MPPE1: variants seen among roughly 807,000 people sequenced by gnomAD.
MPPE1 encodes the protein metallo phosphoesterase.
In MPPE1, 28 loss-of-function variants were observed where a neutral mutation model predicts 43.8. That is an observed-to-expected ratio of 0.64 (90% CI 0.47 to 0.88). MPPE1 has a LOEUF of 0.88. MPPE1 is among the 40% of genes least tolerant of loss of function. The probability of loss-of-function intolerance (pLI) is 0.00; values close to 1 mark genes in which losing one functional copy is unlikely to be tolerated. For missense variants in MPPE1, 428 were observed against 492.2 expected (o/e 0.87, Z 1.23); for synonymous variants, 159 against 188.5 (o/e 0.84, Z 1.28).
chr18:11,890,771 G>T (rs1445901984), intron 4 of MPPE1, among the ~76,000 whole-genome samples: 1 of 152,136 alleles, frequency 6.6e-6, no homozygotes, highest in Admixed American at 6.5e-5. Flanking sequence ...ATAAGAACAG[G>T]CTCTGACAAA....
chr18:11,900,910 A>T (rs2039124758), intron 2 of MPPE1, among the ~76,000 whole-genome samples: 1 of 101,250 alleles, frequency 9.9e-6, no homozygotes, highest in African/African-American at 9.8e-5. Context: ...CCGTCTCATT[A>T]AAAAAAAAAA....
intron 2 of MPPE1, among the ~76,000 whole-genome samples, chr18:11,904,395 A>T (rs890319526): frequency 6.6e-6 from 1 of 151,794 alleles, no homozygotes; most frequent in Non-Finnish European, 1.5e-5. Flanking sequence ...GCTCAGTGCA[A>T]CCTCCGCCTC....
chr18:11,901,794 G>A (rs972059649), intron 2 of MPPE1, among the ~76,000 whole-genome samples: 19 of 152,070 alleles, frequency 1.2e-4, no homozygotes, highest in African/African-American at 3.4e-4. Flanking sequence ...AGCCGAGATC[G>A]TGCCACTGCA....
At chr18:11,899,094 T>C (rs1211245603) in intron 2 of MPPE1, among the ~76,000 whole-genome samples, 1 of 152,058 alleles carries the variant, frequency 6.6e-6, no homozygotes, top group Non-Finnish European at 1.5e-5. Flanking sequence ...TTTGTATTTT[T>C]AGTAGAGATG....
At chr18:11,896,095 CTTTTTTTTTTTTTT>C (rs1178920790) in intron 3 of MPPE1, among the ~76,000 whole-genome samples, 2 of 80,420 alleles carry the variant, frequency 2.5e-5, no homozygotes, top group Non-Finnish European at 4.7e-5. Flanking sequence ...ATTCTTTATT[CTTTTTTTTTTTTTT>C]TTTTTTTTTT....
Position 11,885,668 on chromosome 18 carries a change from C to G in MPPE1, c.1008+8G>C, listed in dbSNP as rs775596031. 2 of 1,608,566 alleles carry G rather than the reference C, an allele frequency of 1.2e-6. No homozygotes were observed. The highest frequency in any genetic ancestry group is 2.2e-5 in the East Asian group (1 of 44,716). Reference sequence around the variant, plus strand: ...AAGCTTTCAGACAAAAATAAACTTTCACGTTACCATGATGAAACTGGGGTT... The same window carrying G: ...AAGCTTTCAGACAAAAATAAACTTTGACGTTACCATGATGAAACTGGGGTT... On this transcript the variant is annotated splice_region_variant and intron_variant, in intron 10 of 10. Coordinates refer to ENST00000588072, the MANE Select transcript of MPPE1 (RefSeq NM_023075.6).
chr18:11,900,744 A>G (rs572602412), intron 2 of MPPE1, among the ~76,000 whole-genome samples: 101 of 150,654 alleles, frequency 6.7e-4, no homozygotes, highest in African/African-American at 8.7e-4. Flanking sequence ...CATCTCTACT[A>G]AAAATACAAA....
chr18:11,893,276 AGTT>A, intron 4 of MPPE1, 189 bp downstream of exon 4: 1 of 541,886 alleles, frequency 1.8e-6, no homozygotes, highest in Non-Finnish European at 3.3e-6. Context: ...CTCAAGATTG[AGTT>A]GTTCTAATAA....
rs929413568 is a variant in MPPE1, at chr18:11,883,686, G to C, written c.*759C>G. ...ACAATATGTTCTGCACATCACATCT[G>C]TACTTTTTTTTTTTTAAATATATTT... is the stretch of plus-strand genomic sequence containing the variant. On this transcript the variant is annotated 3_prime_UTR_variant, in exon 11 of 11. Coordinates refer to ENST00000588072, the MANE Select transcript of MPPE1 (RefSeq NM_023075.6). 8.0e-5 allele frequency: 12 copies of C among 150,592 alleles called. No homozygotes were observed. Among genetic ancestry groups the C allele is most frequent in the African/African-American group, 2.8e-4 (11 of 39,626 alleles). The allele number at this position is 150,592 out of a possible 1,614,324, so 9.3% of individuals were successfully genotyped here. A position where few individuals can be genotyped will look rare whatever the true frequency, so the allele number is the denominator to read the frequency against.
chr18:11,886,529 A>T lies in MPPE1; in HGVS notation c.837T>A (p.Tyr279Ter), dbSNP rs999005053. 1 of 1,614,088 alleles carries T rather than the reference A, an allele frequency of 6.2e-7. No individual in the cohort carries two copies. Among genetic ancestry groups the T allele is most frequent in the Admixed American group, 1.7e-5 (1 of 59,996 alleles). ...EERDIPFKENYDVLSREASQK... is the reference protein window; with the variant it reads ...EERDIPFKEN ...GTGATGCCTCCCGTGAAAGCACGTC[A>T]TAGTTCTCCTTAAATGGGATGTCCC... Residue 279 changes from tyrosine to a stop codon, truncating the protein, a stop_gained, in exon 9 of 11, where the codon TAT becomes TAA. Transcript: ENST00000588072. LOFTEE classifies it high-confidence loss of function. The surrounding 1 kb of genome is among the most constrained non-coding windows in gnomAD (Gnocchi z 4.1).
intron 2 of MPPE1, among the ~76,000 whole-genome samples, chr18:11,901,824 G>C (rs948878237): frequency 2.6e-5 from 4 of 152,122 alleles, no homozygotes; most frequent in Non-Finnish European, 5.9e-5. Context: ...GGGCAACAGA[G>C]TGAGACTCCA....
intron 10 of MPPE1, chr18:11,884,983 C>T (rs1366855914): frequency 7.4e-5 from 96 of 1,301,740 alleles, no homozygotes; most frequent in Non-Finnish European, 8.7e-5. Flanking sequence ...CATCGGTCAG[C>T]GAGGAACAAG....
At chr18:11,900,672 C>A (rs912137904) in intron 2 of MPPE1, among the ~76,000 whole-genome samples, 1 of 151,934 alleles carries the variant, frequency 6.6e-6, no homozygotes, top group Non-Finnish European at 1.5e-5. Flanking sequence ...CTTTGGGAGG[C>A]CAAGGTGGGC....
At position 11,884,391 on chromosome 18, in the gene MPPE1, C is replaced by A. The variant is rs903676325; in HGVS notation, c.*54G>T. ...ATCATCCACTTGATTCTAACATGAT[C>A]TCTGCCCAAAGTTCCATTTCTTGGG... is the stretch of plus-strand genomic sequence containing the variant. On this transcript the variant is annotated 3_prime_UTR_variant, in exon 11 of 11. Transcript: ENST00000588072. The A allele has an allele frequency of 1.1e-5, 18 of 1,565,470 alleles. No homozygotes were observed. Among genetic ancestry groups the A allele is most frequent in the African/African-American group, 1.1e-4 (8 of 73,856 alleles).
Position 11,891,977 on chromosome 18 carries a change from G to C in MPPE1, c.390+1491C>G, listed in dbSNP as rs183968889. ...GCACCATCACGCCTGGCTGATTTTT[G>C]TATTTTTTGTAGAAACAGCACTAAG... On this transcript the variant is annotated intron_variant, in intron 4 of 10. Transcript: ENST00000588072. Among the ~76,000 whole-genome samples the C allele has an allele frequency of 3.8e-3, 507 of 132,214 alleles. 5 individuals carry two copies. The highest frequency in any genetic ancestry group is 0.017 in the African/African-American group (469 of 27,834). 86.7% of individuals were successfully genotyped at this position (132,214 alleles called of 152,430 possible). A position where few individuals can be genotyped will look rare whatever the true frequency, so the allele number is the denominator to read the frequency against.
At position 11,887,479 on chromosome 18, in the gene MPPE1, CAGGT is replaced by C. The variant is rs1273523611; in HGVS notation, c.570-458_570-455del. Among the ~76,000 whole-genome samples, 3 of 152,186 alleles carry C rather than the reference CAGGT, an allele frequency of 2.0e-5. 1 individual carries two copies. The highest frequency in any genetic ancestry group is 4.4e-5 in the Non-Finnish European group (3 of 68,042). On this transcript the variant is annotated intron_variant, in intron 6 of 10. Coordinates refer to ENST00000588072, the MANE Select transcript of MPPE1 (RefSeq NM_023075.6). ...AGTACGTGTCAGATATTGTGACTAA[CAGGT>C]AGAGGGAACCACAGAGTGCATCAGT...
At chr18:11,891,330 G>T (rs1017221111) in intron 4 of MPPE1, 1 of 152,020 alleles carries the variant, frequency 6.6e-6, no homozygotes, top group Non-Finnish European at 1.5e-5. Flanking sequence ...AAAATTAGCT[G>T]GGTGTGGTGG....
chr18:11,884,613 G>A lies in MPPE1; in HGVS notation c.1023C>T (p.Pro341=), dbSNP rs370057183. ...NPSFIMGSIT[P]TDYTLSKCYL... The stretch of plus-strand genomic sequence containing the variant: ...AGCACTTGGAGAGGGTGTAGTCTGT[G>A]GGCGTGATGCTACCCTGGAAAGGAG... Residue 341 remains proline (P), a synonymous_variant, in exon 11 of 11, where the codon CCC becomes CCT. Coordinates refer to ENST00000588072, the MANE Select transcript of MPPE1 (RefSeq NM_023075.6). 1.7e-4 allele frequency: 273 copies of A among 1,613,560 alleles called. 3 individuals carry two copies. Among genetic ancestry groups the A allele is most frequent in the Non-Finnish European group, 1.0e-5 (12 of 1,179,968 alleles).
intron 5 of MPPE1, among the ~76,000 whole-genome samples, chr18:11,889,147 C>A (rs567883945): frequency 6.6e-6 from 1 of 152,286 alleles, no homozygotes; most frequent in South Asian, 2.1e-4. Context: ...ATTAAATGTA[C>A]ATTTCAAGTT....
Sources: allele counts gnomAD v4.1 joint callset (sites outside exome capture counted in the v4.1 genomes callset), GRCh38; gene constraint gnomAD v4.1.1; non-coding constraint Gnocchi (gnomAD v3.1); transcripts MANE v1.5; gene names NCBI Gene and HGNC (gene_info 2026-07-23, HGNC 2026-07-21).